Variants in NUDCD3 observed in about 807,000 individuals in gnomAD.
NUDCD3 encodes NudC domain containing 3.
A neutral mutation model predicts 39.7 loss-of-function variants in NUDCD3; 13 were observed. The ratio of observed to expected loss-of-function variants is 0.33; its 90% CI spans 0.21 to 0.52. The LOEUF is 0.52. NUDCD3 is among the 20% of genes least tolerant of loss of function. The pLI is 0.96. For missense variants in NUDCD3, 453 were observed against 458.1 expected, an observed-to-expected ratio of 0.99 and a Z score of 0.10; for synonymous variants, 175 against 172.4, an observed-to-expected ratio of 1.02 and a Z score of -0.12.
intron 2 of NUDCD3, among the ~76,000 whole-genome samples, chr7:44,449,538 G>T (rs1388060741): frequency 6.6e-6 from 1 of 152,150 alleles, no homozygotes; most frequent in Non-Finnish European, 1.5e-5. Flanking sequence ...AACAAAGCAG[G>T]AGAAGATTAT....
At chr7:44,451,099 G>T (rs925484163) in intron 2 of NUDCD3, among the ~76,000 whole-genome samples, 4 of 152,190 alleles carry the variant, frequency 2.6e-5, no homozygotes, top group African/African-American at 7.2e-5. Context: ...TCCATCAATG[G>T]ATGAATGGAT....
At position 44,441,673 on chromosome 7, in the gene NUDCD3, C is replaced by T. The variant is rs377714696; in HGVS notation, c.510-13970G>A. ...CCATAGCTAGCCCACACATCAGAGC[C>T]GGCCCCACCTGCCACTCAAAGAGTA... is the stretch of plus-strand genomic sequence containing the variant. On this transcript the variant is annotated intron_variant, in intron 2 of 5. Coordinates refer to ENST00000355451, the MANE Select transcript of NUDCD3 (RefSeq NM_015332.4). 8.5e-5 allele frequency among the ~76,000 whole-genome samples: 13 copies of T among 152,298 alleles called. 1 individual carries two copies. The South Asian group carries it at 2.5e-3, about 29-fold the overall frequency.
At chr7:44,452,932 C>G (rs1799820971) in intron 2 of NUDCD3, among the ~76,000 whole-genome samples, 1 of 152,220 alleles carries the variant, frequency 6.6e-6, no homozygotes, top group South Asian at 2.1e-4. Flanking sequence ...CTGGGCAATT[C>G]TGAGGAAAAG....
At chr7:44,468,001 G>T (rs1385055465) in intron 2 of NUDCD3, 1 of 1,612,820 alleles carries the variant, frequency 6.2e-7, no homozygotes. Context: ...AGCGTAACTG[G>T]CGGAAACCCA....
At chr7:44,396,628 C>T (rs963719488) in intron 4 of NUDCD3, among the ~76,000 whole-genome samples, 12 of 152,152 alleles carry the variant, frequency 7.9e-5, no homozygotes, top group Admixed American at 2.0e-4. Flanking sequence ...AGTCATTGAG[C>T]TGACAAGCTT....
chr7:44,406,774 A>C lies in NUDCD3; in HGVS notation c.643-2191T>G, dbSNP rs184120181. On this transcript the variant is annotated intron_variant, in intron 3 of 5. Coordinates refer to ENST00000355451, the MANE Select transcript of NUDCD3 (RefSeq NM_015332.4). Reference sequence around the variant, plus strand: ...TGAAGAGAAAAACCCCAGACAGTGAAAATGGGGGAAGAGGGAGGCCAGGAA... The same window carrying C: ...TGAAGAGAAAAACCCCAGACAGTGACAATGGGGGAAGAGGGAGGCCAGGAA... 8.5e-5 allele frequency among the ~76,000 whole-genome samples: 13 copies of C among 152,306 alleles called. No individual in the cohort carries two copies. In the East Asian group the frequency reaches 1.5e-3, roughly 18 times the overall value.
rs1331817873 is a variant in NUDCD3, at chr7:44,392,384, G to A, written c.888C>T (p.Thr296=). The change falls in exon 5 of 6, where the codon ACC becomes ACT. Residue 296 remains threonine (T), a synonymous_variant. Transcript: ENST00000355451. ...ACACCGCCTGTTCCTCCTCATCCAC[G>A]GTGGCCATGGAGCGCTCCTTGTTGA... The part of the protein sequence containing the change: ...DKINKERSMA[T]VDEEEQAVLD... 8 of 1,614,022 alleles carry A rather than the reference G, an allele frequency of 5.0e-6. No individual in the cohort carries two copies. Among genetic ancestry groups the A allele is most frequent in the African/African-American group, 4.0e-5 (3 of 74,904 alleles).
At chr7:44,455,557 G>C (rs750070961) in intron 2 of NUDCD3, among the ~76,000 whole-genome samples, 15 of 152,154 alleles carry the variant, frequency 9.9e-5, no homozygotes, top group Non-Finnish European at 1.6e-4. Flanking sequence ...GAAATTGTGT[G>C]TGTACATATG....
At chr7:44,441,310 T>C (rs1799580018) in intron 2 of NUDCD3, among the ~76,000 whole-genome samples, 1 of 152,206 alleles carries the variant, frequency 6.6e-6, no homozygotes, top group Non-Finnish European at 1.5e-5. Context: ...CAACACTGGA[T>C]TTTTAGGGAT....
rs1323527179 is a variant in NUDCD3, at chr7:44,383,759, A to C, written c.*2252T>G. ...TGGCCAAACTGCGGCTGTTGTGTCT[A>C]AAAAGAGAAAACAGGCAGGGTGTGC... On this transcript the variant is annotated 3_prime_UTR_variant, in exon 6 of 6. Coordinates refer to ENST00000355451, the MANE Select transcript of NUDCD3 (RefSeq NM_015332.4). 2 of 152,252 alleles carry C rather than the reference A, an allele frequency of 1.3e-5. No homozygotes were observed. The highest frequency in any genetic ancestry group is 1.9e-4 in the East Asian group (1 of 5,194). The allele number at this position is 152,252 out of a possible 1,614,324, so 9.4% of individuals were successfully genotyped here.
At chr7:44,437,069 C>CTTTTTTTTTTTTTTTTTTT (rs35904938) in intron 2 of NUDCD3, among the ~76,000 whole-genome samples, 2 of 117,292 alleles carry the variant, frequency 1.7e-5, no homozygotes, top group Non-Finnish European at 3.6e-5. Context: ...CTTTTCTTTT[C>CTTTTTTTTTTTTTTTTTTT]TTTTTTTTTT....
At position 44,480,941 on chromosome 7, in the gene NUDCD3, C is replaced by CAA. The variant is rs1164765600; in HGVS notation, c.509+4025_509+4026dup. Among the ~76,000 whole-genome samples, 293 of 34,850 alleles carry CAA rather than the reference C, an allele frequency of 8.4e-3. 3 individuals are homozygous for CAA. The highest frequency in any genetic ancestry group is 0.011 in the Non-Finnish European group (217 of 20,430). 22.9% of individuals were successfully genotyped at this position (34,850 alleles called of 152,430 possible). A position where few individuals can be genotyped will look rare whatever the true frequency, so the allele number is the denominator to read the frequency against. ...TGGGCAACAGAGCAAGACCCAGTAT[C>CAA]AAAAAAAAAAAAAAAAAAAAAAAAA... On this transcript the variant is annotated intron_variant, in intron 2 of 5. Transcript: ENST00000355451.
intron 2 of NUDCD3, among the ~76,000 whole-genome samples, chr7:44,432,810 G>T (rs1018488801): frequency 7.9e-5 from 12 of 152,190 alleles, no homozygotes; most frequent in African/African-American, 2.7e-4. Flanking sequence ...TATCCCAGGT[G>T]TAAGAGCTGT....
rs755811544 is a variant in NUDCD3 at position 44,490,608 on chromosome 7, C to G, written c.-8G>C. 6.3e-7 allele frequency: 1 copy of G among 1,599,352 alleles called. No individual in the cohort carries two copies. The highest frequency in any genetic ancestry group is 2.3e-5 in the East Asian group (1 of 43,838). On this transcript the variant is annotated 5_prime_UTR_variant, in exon 1 of 6. Transcript: ENST00000355451. ...GGCCGCCCCTGTCTCCATGTCGCCT[C>G]CCGCCCTAGGTACGCTTCACACACA...
intron 2 of NUDCD3, among the ~76,000 whole-genome samples, chr7:44,475,193 C>T (rs897408082): frequency 8.6e-5 from 13 of 150,880 alleles, no homozygotes; most frequent in Non-Finnish European, 1.9e-4. Flanking sequence ...CTCACTGCAA[C>T]CCCCGCCTCC....
At chr7:44,398,295 T>G (rs1202308591) in intron 4 of NUDCD3, among the ~76,000 whole-genome samples, 1 of 152,220 alleles carries the variant, frequency 6.6e-6, no homozygotes, top group Non-Finnish European at 1.5e-5. Context: ...CTGTCAGTAC[T>G]GACCCCTGGA....
intron 2 of NUDCD3, among the ~76,000 whole-genome samples, chr7:44,456,412 C>T (rs1799902657): frequency 2.6e-5 from 4 of 152,168 alleles, no homozygotes; most frequent in Admixed American, 2.0e-4. Flanking sequence ...AGGTTAAACT[C>T]GAGCAAACTC....
At chr7:44,423,307 G>A (rs1164755513) in intron 3 of NUDCD3, among the ~76,000 whole-genome samples, 2 of 152,266 alleles carry the variant, frequency 1.3e-5, no homozygotes, top group African/African-American at 4.8e-5. Context: ...TCAGGCAAGA[G>A]AAAGAAATAA....
At position 44,478,098 on chromosome 7, in the gene NUDCD3, T is replaced by C. The variant is rs183344142; in HGVS notation, c.509+6870A>G. ...ATCAGCCGGCCTCGGCCTCTAACAG[T>C]GCTGAGATTACAGGCATGAGCCACC... On this transcript the variant is annotated intron_variant, in intron 2 of 5. Coordinates refer to ENST00000355451, the MANE Select transcript of NUDCD3 (RefSeq NM_015332.4). Among the ~76,000 whole-genome samples the C allele has an allele frequency of 4.2e-3, 641 of 152,228 alleles. 4 individuals are homozygous for C. Among genetic ancestry groups the C allele is most frequent in the African/African-American group, 0.015 (609 of 41,542 alleles).
Sources: allele counts gnomAD v4.1 joint callset (sites outside exome capture counted in the v4.1 genomes callset), GRCh38; gene constraint gnomAD v4.1.1; transcripts MANE v1.5; gene names NCBI Gene and HGNC (gene_info 2026-07-23, HGNC 2026-07-21).